Variants in GSDMB observed in about 807,000 individuals in gnomAD.
GSDMB encodes the protein gasdermin B.
Under a neutral mutation model 42.9 loss-of-function variants are expected in GSDMB, and 32 were observed. That is an observed-to-expected ratio of 0.75 (90% CI 0.56 to 1.00). The LOEUF is 1.00. Among genes scored for constraint, GSDMB ranks in the 50% least tolerant of loss-of-function variants. The pLI is 0.00. For synonymous variants in GSDMB, 175 were observed against 193.7 expected (o/e 0.90, Z 0.80); for missense variants, 468 against 498.5 (o/e 0.94, Z 0.58).
intron 7 of GSDMB, chr17:39,906,700 A>T: frequency 5.0e-6 from 6 of 1,205,286 alleles, no homozygotes; most frequent in Non-Finnish European, 6.5e-6. Context: ...CACCCCCACA[A>T]TTAAGTCAGA....
chr17:39,913,374 G>A (rs2063650064), intron 2 of GSDMB, among the ~76,000 whole-genome samples: 2 of 152,120 alleles, frequency 1.3e-5, no homozygotes, highest in African/African-American at 4.8e-5. Flanking sequence ...TGTAATCCCA[G>A]CACTTTGGGA....
chr17:39,916,515 C>T (rs958163713), intron 2 of GSDMB, among the ~76,000 whole-genome samples: 2 of 151,618 alleles, frequency 1.3e-5, no homozygotes, highest in Admixed American at 6.6e-5. Context: ...TGGTCTCGAT[C>T]TCCTGACCTC....
intron 2 of GSDMB, among the ~76,000 whole-genome samples, chr17:39,914,403 C>A (rs1017679434): frequency 6.6e-6 from 1 of 152,160 alleles, no homozygotes; most frequent in Non-Finnish European, 1.5e-5. Flanking sequence ...GGAGACATGA[C>A]AACGAAATGT....
intron 1 of GSDMB, 154 bp from the exon 2 acceptor site, chr17:39,917,484 G>A: frequency 1.7e-6 from 1 of 601,646 alleles, no homozygotes; most frequent in South Asian, 2.0e-5. Context: ...CAGATGGCCT[G>A]AAGCAACTGA....
At chr17:39,908,449 G>A (rs150276395) in intron 5 of GSDMB, among the ~76,000 whole-genome samples, 5,586 of 150,684 alleles carry the variant, frequency 0.037, 337 homozygotes, top group African/African-American at 0.13. Flanking sequence ...GTGAGATCTC[G>A]GCTCACTGCA....
intron 10 of GSDMB, 26 bp downstream of exon 10, chr17:39,905,400 A>G: frequency 1.3e-6 from 2 of 1,530,972 alleles, no homozygotes; most frequent in Non-Finnish European, 1.8e-6. Context: ...CACTATGACC[A>G]TGGCCCTCAG....
chr17:39,915,154 T>A (rs2063686737), intron 2 of GSDMB, among the ~76,000 whole-genome samples: 1 of 152,092 alleles, frequency 6.6e-6, no homozygotes, highest in Non-Finnish European at 1.5e-5. Context: ...GTATTTTTAG[T>A]AGAGACAGGG....
At chr17:39,905,399 C>G in intron 10 of GSDMB, 27 bp downstream of exon 10, 1 of 1,523,974 alleles carries the variant, frequency 6.6e-7, no homozygotes, top group Middle Eastern at 2.1e-4. Context: ...CCACTATGAC[C>G]ATGGCCCTCA....
intron 3 of GSDMB, among the ~76,000 whole-genome samples, chr17:39,911,460 A>G (rs2063607140): frequency 6.6e-6 from 1 of 152,182 alleles, no homozygotes; most frequent in African/African-American, 2.4e-5. Flanking sequence ...AAACAACAAC[A>G]GAACTATTGC....
At chr17:39,908,527 A>G (rs572044337) in intron 5 of GSDMB, among the ~76,000 whole-genome samples, 14 of 151,910 alleles carry the variant, frequency 9.2e-5, no homozygotes, top group African/African-American at 3.4e-4. Flanking sequence ...TTACAGGCGC[A>G]TACCACCACA....
intron 6 of GSDMB, 136 bp from the exon 7 acceptor site, chr17:39,907,123 A>C: frequency 6.6e-7 from 1 of 1,512,726 alleles, no homozygotes; most frequent in Non-Finnish European, 8.8e-7. Flanking sequence ...CTGCATCCTC[A>C]CCAGCGTGTG....
chr17:39,904,686 C>A lies in GSDMB; in HGVS notation c.*126G>T. 1.3e-6 allele frequency: 1 copy of A among 751,556 alleles called. No homozygotes were observed. Among genetic ancestry groups the A allele is most frequent in the Non-Finnish European group, 2.2e-6 (1 of 455,188 alleles). The allele number at this position is 751,556 out of a possible 1,614,324, so 46.6% of individuals were successfully genotyped here. ...TTAACATGGAGCGAATGGGATACAT[C>A]AAAGAATGGTTGGCTGCTTGTTTTA... On this transcript the variant is annotated 3_prime_UTR_variant, in exon 11 of 11. Coordinates refer to ENST00000418519, the MANE Select transcript of GSDMB (RefSeq NM_001165958.2).
At chr17:39,905,139 T>G in intron 10 of GSDMB, 175 bp from the exon 11 acceptor site, 4 of 632,836 alleles carry the variant, frequency 6.3e-6, no homozygotes, top group Non-Finnish European at 1.1e-5. Context: ...TGGCAGGCTC[T>G]GCTAGTCAGT....
intron 2 of GSDMB, among the ~76,000 whole-genome samples, chr17:39,912,939 C>G (rs1329403414): frequency 6.6e-6 from 1 of 152,014 alleles, no homozygotes; most frequent in Non-Finnish European, 1.5e-5. Flanking sequence ...AACCCCGTCT[C>G]TACTAAAAAA....
Position 39,906,228 on chromosome 17 carries a change from C to T in GSDMB, c.771G>A (p.Lys257=). 6.2e-7 allele frequency: 1 copy of T among 1,614,158 alleles called. No homozygotes were observed. The highest frequency in any genetic ancestry group is 1.1e-5 in the South Asian group (1 of 91,086). Reference sequence around the variant, plus strand: ...TGAGGACACTCTCCATGTCCTCCAACTTCTCCTTCATGTTTCTGGAATCCT... The same window carrying T: ...TGAGGACACTCTCCATGTCCTCCAATTTCTCCTTCATGTTTCTGGAATCCT... ...GSEDSRNMKE[K]LEDMESVLKD... Residue 257 remains lysine, a synonymous_variant, in exon 8 of 11, where the codon AAG becomes AAA. Transcript: ENST00000418519.
intron 6 of GSDMB, chr17:39,907,573 C>A (rs12949547): frequency 0.035 from 5,301 of 149,804 alleles, 108 homozygotes; most frequent in Non-Finnish European, 0.042. Context: ...ACAAAAAAAA[C>A]CAAACTTAAC....
At chr17:39,908,603 C>A (rs2063549477) in intron 5 of GSDMB, among the ~76,000 whole-genome samples, 1 of 152,160 alleles carries the variant, frequency 6.6e-6, no homozygotes, top group South Asian at 2.1e-4. Flanking sequence ...TGGTCTCGAA[C>A]TCCTGATCTC....
At chr17:39,913,578 C>T (rs1484067388) in intron 2 of GSDMB, among the ~76,000 whole-genome samples, 1 of 152,214 alleles carries the variant, frequency 6.6e-6, no homozygotes, top group African/African-American at 2.4e-5. Context: ...AAGATCAAGC[C>T]ACTGCACTCC....
intron 3 of GSDMB, among the ~76,000 whole-genome samples, chr17:39,911,076 T>A (rs893649496): frequency 1.3e-5 from 2 of 151,946 alleles, no homozygotes; most frequent in Admixed American, 6.6e-5. Context: ...CCAAGGCAGG[T>A]GGATCACCTG....
Sources: gnomAD v4.1 joint callset for allele counts (sites outside exome capture counted in the v4.1 genomes callset) on GRCh38, gnomAD v4.1.1 for gene constraint, MANE v1.5 for transcripts, NCBI Gene and HGNC (gene_info 2026-07-23, HGNC 2026-07-21) for gene names.